ARHGAP26: variants seen among roughly 807,000 people sequenced by gnomAD.
The protein encoded by ARHGAP26 is Rho GTPase activating protein 26.
In ARHGAP26, 38 loss-of-function variants were observed where a neutral mutation model predicts 104.8. That is an observed-to-expected ratio of 0.36 (90% confidence interval 0.28 to 0.48). ARHGAP26 has a LOEUF of 0.48. ARHGAP26 is among the 20% of genes least tolerant of loss of function. ARHGAP26 has a pLI of 0.99. For missense variants in ARHGAP26, 704 were observed against 947.9 expected (o/e 0.74, Z 3.38); for synonymous variants, 341 against 340.0 (o/e 1.00, Z -0.03).
intron 1 of ARHGAP26, among the ~76,000 whole-genome samples, chr5:142,793,934 G>A (rs1307870694): frequency 2.0e-5 from 3 of 152,116 alleles, no homozygotes; most frequent in African/African-American, 4.8e-5. Flanking sequence ...CTTTCTTCTG[G>A]CCACACCAAA....
intron 17 of ARHGAP26, among the ~76,000 whole-genome samples, chr5:143,085,350 G>A (rs1431432924): frequency 6.6e-6 from 1 of 152,072 alleles, no homozygotes. Context: ...AGAGCATAGG[G>A]TCTCTAATTT....
intron 10 of ARHGAP26, among the ~76,000 whole-genome samples, chr5:142,920,795 A>G (rs1406696505): frequency 6.6e-6 from 1 of 152,202 alleles, no homozygotes; most frequent in Non-Finnish European, 1.5e-5. Flanking sequence ...TATATACTCA[A>G]GCAACTAAGG....
intron 20 of ARHGAP26, among the ~76,000 whole-genome samples, chr5:143,150,962 C>T (rs1159374373): frequency 6.6e-6 from 1 of 152,126 alleles, no homozygotes; most frequent in Non-Finnish European, 1.5e-5. Context: ...GTGAAAGACA[C>T]TCAAGAGAAT....
chr5:143,114,012 T>C (rs973086271), intron 17 of ARHGAP26, among the ~76,000 whole-genome samples: 1 of 152,210 alleles, frequency 6.6e-6, no homozygotes, highest in Non-Finnish European at 1.5e-5. Context: ...ATTACTTACC[T>C]TCTCAGTGCT....
chr5:142,890,614 C>T (rs1006023914), intron 5 of ARHGAP26, among the ~76,000 whole-genome samples: 10 of 152,134 alleles, frequency 6.6e-5, no homozygotes, highest in Non-Finnish European at 1.3e-4. Flanking sequence ...AGAATGAAGA[C>T]AGAGAGACCA....
chr5:143,222,348 T>C lies in ARHGAP26; in HGVS notation c.2192-10T>C. On this transcript the variant is annotated splice_polypyrimidine_tract_variant and intron_variant, in intron 22 of 22. Coordinates refer to ENST00000645722, the MANE Select transcript of ARHGAP26 (RefSeq NM_001135608.3). ...CATCTCTTCTCGCTTTCTCTCCCCT[T>C]CCTGTACAGTTCACCCATCTCAGGA... 6.3e-7 allele frequency: 1 copy of C among 1,583,638 alleles called. No homozygotes were observed. Among genetic ancestry groups the C allele is most frequent in the Non-Finnish European group, 8.6e-7 (1 of 1,161,598 alleles).
At chr5:142,866,282 G>A (rs1754268590) in intron 1 of ARHGAP26, among the ~76,000 whole-genome samples, 2 of 152,098 alleles carry the variant, frequency 1.3e-5, no homozygotes, top group Non-Finnish European at 1.5e-5. Flanking sequence ...GAGTAAATGA[G>A]GCAATATAGT....
chr5:142,781,403 T>A (rs556446490), intron 1 of ARHGAP26, among the ~76,000 whole-genome samples: 1 of 152,362 alleles, frequency 6.6e-6, no homozygotes, highest in South Asian at 2.1e-4. Context: ...TATTAAATCA[T>A]AATCATTACA....
intron 20 of ARHGAP26, chr5:143,170,777 C>A (rs1371059307): frequency 6.6e-6 from 1 of 152,210 alleles, no homozygotes; most frequent in Non-Finnish European, 1.5e-5. Flanking sequence ...GCCCCACCCA[C>A]AACCACTATG....
intron 11 of ARHGAP26, among the ~76,000 whole-genome samples, chr5:143,005,180 G>A (rs1777766485): frequency 6.6e-6 from 1 of 152,178 alleles, no homozygotes; most frequent in South Asian, 2.1e-4. Context: ...AAAGAGCAGG[G>A]ATGAGCTTCT....
At chr5:143,038,080 G>A (rs1598747309) in intron 13 of ARHGAP26, among the ~76,000 whole-genome samples, 1 of 152,178 alleles carries the variant, frequency 6.6e-6, no homozygotes, top group East Asian at 1.9e-4. Context: ...CTGTTGTACC[G>A]CTGAGAAAAG....
intron 1 of ARHGAP26, 89 bp downstream of exon 1, chr5:142,771,004 G>C: frequency 1.3e-6 from 2 of 1,484,128 alleles, no homozygotes; most frequent in Non-Finnish European, 9.0e-7. Flanking sequence ...CGCGTCTGCC[G>C]GGTTTCTGCT....
At chr5:143,015,753 C>G (rs1351977362) in intron 12 of ARHGAP26, among the ~76,000 whole-genome samples, 1 of 152,160 alleles carries the variant, frequency 6.6e-6, no homozygotes, top group East Asian at 1.9e-4. Flanking sequence ...TGAATGGAGA[C>G]CTCCCCCTAC....
At chr5:143,111,073 T>G (rs1794722283) in intron 17 of ARHGAP26, among the ~76,000 whole-genome samples, 1 of 152,260 alleles carries the variant, frequency 6.6e-6, no homozygotes, top group Non-Finnish European at 1.5e-5. Flanking sequence ...TCATTCTTCT[T>G]GGGTTCTAGT....
chr5:143,180,188 C>T (rs1245567883), intron 20 of ARHGAP26, among the ~76,000 whole-genome samples: 5 of 152,004 alleles, frequency 3.3e-5, no homozygotes, highest in African/African-American at 7.2e-5. Flanking sequence ...TGCAGTGGTG[C>T]GATCTTGGCT....
intron 20 of ARHGAP26, among the ~76,000 whole-genome samples, chr5:143,205,734 A>G (rs4912902): frequency 0.12 from 18,088 of 152,250 alleles, 1,366 homozygotes; most frequent in Non-Finnish European, 0.16. Flanking sequence ...GCCTCAGCTT[A>G]GCCCAGGTTT....
chr5:143,117,893 A>C (rs1795683129), intron 17 of ARHGAP26, among the ~76,000 whole-genome samples: 1 of 152,238 alleles, frequency 6.6e-6, no homozygotes, highest in Non-Finnish European at 1.5e-5. Context: ...AACTCTCCTC[A>C]TCTTTTATTG....
At chr5:142,815,662 C>T (rs1439834591) in intron 1 of ARHGAP26, among the ~76,000 whole-genome samples, 1 of 152,230 alleles carries the variant, frequency 6.6e-6, no homozygotes, top group Non-Finnish European at 1.5e-5. Flanking sequence ...CCTGGTCCAC[C>T]ACAGGGCCTT....
At chr5:143,153,228 A>C (rs529715693) in intron 20 of ARHGAP26, among the ~76,000 whole-genome samples, 3 of 152,304 alleles carry the variant, frequency 2.0e-5, no homozygotes, top group African/African-American at 7.2e-5. Flanking sequence ...GCAAACAAGA[A>C]AGGTGGCTCA....
Sources: gnomAD v4.1 joint callset for allele counts (sites outside exome capture counted in the v4.1 genomes callset) on GRCh38, gnomAD v4.1.1 for gene constraint, MANE v1.5 for transcripts, NCBI Gene and HGNC (gene_info 2026-07-23, HGNC 2026-07-21) for gene names.